Variants in TNRC6C observed in about 807,000 individuals in gnomAD.
TNRC6C encodes the protein trinucleotide repeat-containing gene 6C protein.
In TNRC6C, 20 loss-of-function variants were observed where a neutral mutation model predicts 153.7. The observed-to-expected ratio is 0.13, with a 90% CI of 0.09 to 0.19. The LOEUF (loss-of-function observed/expected upper bound fraction) is 0.19. Among genes scored for constraint, TNRC6C ranks in the 10% least tolerant of loss-of-function variants. The pLI is 1.00. For missense variants in TNRC6C, 1,987 were observed against 2,172.0 expected (o/e 0.91, Z 1.69); for synonymous variants, 811 against 841.4 (o/e 0.96, Z 0.63).
intron 13 of TNRC6C, among the ~76,000 whole-genome samples, chr17:78,087,752 C>G (rs1464551671): frequency 6.6e-6 from 1 of 152,114 alleles, no homozygotes; most frequent in African/African-American, 2.4e-5. Flanking sequence ...GTATAATCGA[C>G]CAAATCAACA....
rs955371094 is a variant in TNRC6C, at chr17:78,097,877, C to T, written c.4307-466C>T. The T allele has an allele frequency of 2.0e-6, 3 of 1,503,914 alleles. No homozygotes were observed. Among genetic ancestry groups the T allele is most frequent in the Non-Finnish European group, 8.9e-7 (1 of 1,119,986 alleles). 93.2% of individuals were successfully genotyped at this position (1,503,914 alleles called of 1,614,324 possible). A position where few individuals can be genotyped will look rare whatever the true frequency, so the allele number is the denominator to read the frequency against. On this transcript the variant is annotated intron_variant, in intron 16 of 19. Transcript: ENST00000301624. ...AGTGTTGCAGGTACGCGCCTGGCCT[C>T]TAGACTTGCAGGTAGCATTTTCTTT...
At chr17:78,006,551 T>TC (rs376467730) in intron 1 of TNRC6C, among the ~76,000 whole-genome samples, 4 of 94,992 alleles carry the variant, frequency 4.2e-5, no homozygotes, top group African/African-American at 1.9e-4. Flanking sequence ...TTCTTCTTCT[T>TC]CTTCTTCTTC....
chr17:78,027,962 C>T (rs2071976060), intron 1 of TNRC6C, among the ~76,000 whole-genome samples: 1 of 145,564 alleles, frequency 6.9e-6, no homozygotes, highest in African/African-American at 2.6e-5. Flanking sequence ...GTGGTGCGAT[C>T]TCCGCTCATT....
intron 15 of TNRC6C, chr17:78,093,363 G>A (rs2073426462): frequency 4.5e-6 from 3 of 664,854 alleles, no homozygotes; most frequent in Non-Finnish European, 7.6e-6. Flanking sequence ...GTGGCAGGGA[G>A]GAAGCACACT....
chr17:78,000,751 A>G (rs1169511066), upstream of TNRC6C, among the ~76,000 whole-genome samples: 1 of 151,816 alleles, frequency 6.6e-6, no homozygotes, highest in Admixed American at 6.6e-5. Context: ...AACATTTACA[A>G]TTTCTGATAA....
intron 1 of TNRC6C, among the ~76,000 whole-genome samples, chr17:77,977,807 T>C (rs2071021669): frequency 6.6e-6 from 1 of 151,984 alleles, no homozygotes; most frequent in African/African-American, 2.4e-5. Flanking sequence ...TTTAGATTTT[T>C]GTCACATAAG....
upstream of TNRC6C, among the ~76,000 whole-genome samples, chr17:78,001,062 C>T (rs1019399826): frequency 6.6e-6 from 1 of 152,182 alleles, no homozygotes; most frequent in Non-Finnish European, 1.5e-5. Context: ...TGTGGGAAAT[C>T]TTTTCACCCT....
At chr17:78,007,108 G>A (rs188075191) in intron 1 of TNRC6C, among the ~76,000 whole-genome samples, 155 of 152,220 alleles carry the variant, frequency 1.0e-3, no homozygotes, top group African/African-American at 3.6e-3. Flanking sequence ...GCCTGCCAAA[G>A]TGCTGGGATT....
intron 1 of TNRC6C, among the ~76,000 whole-genome samples, chr17:77,982,463 A>G (rs1031217596): frequency 2.3e-4 from 35 of 152,186 alleles, no homozygotes; most frequent in African/African-American, 8.2e-4. Flanking sequence ...GCTAATAGAG[A>G]AGGAGAAAGG....
upstream of TNRC6C, chr17:78,004,310 T>C: frequency 8.1e-7 from 1 of 1,231,694 alleles, no homozygotes; most frequent in Non-Finnish European, 1.0e-6. Flanking sequence ...TGTATCATTG[T>C]GTGTCTCATT....
chr17:78,036,572 A>G (rs1418227442), intron 2 of TNRC6C, among the ~76,000 whole-genome samples: 1 of 152,196 alleles, frequency 6.6e-6, no homozygotes, highest in African/African-American at 2.4e-5. Flanking sequence ...GTGTAAGAAT[A>G]GATAAAATGT....
intron 11 of TNRC6C, 57 bp from the exon 14 acceptor site, chr17:78,086,446 A>G: frequency 6.7e-7 from 1 of 1,501,676 alleles, no homozygotes; most frequent in South Asian, 1.2e-5. Flanking sequence ...AAGTTGAACC[A>G]TTAGTTCAAC....
At chr17:78,046,479 G>A (rs1166998586) in intron 2 of TNRC6C, among the ~76,000 whole-genome samples, 1 of 152,060 alleles carries the variant, frequency 6.6e-6, no homozygotes, top group African/African-American at 2.4e-5. Context: ...CGCCTGGCCG[G>A]GAATTCTTTA....
At chr17:77,985,634 T>C (rs2071155397) in intron 1 of TNRC6C, among the ~76,000 whole-genome samples, 1 of 149,394 alleles carries the variant, frequency 6.7e-6, no homozygotes, top group Non-Finnish European at 1.5e-5. Context: ...CTGTGTTGAA[T>C]CTGTCTCATA....
intron 3 of TNRC6C, among the ~76,000 whole-genome samples, chr17:78,055,056 G>A (rs571237078): frequency 5.4e-4 from 83 of 152,302 alleles, no homozygotes; most frequent in African/African-American, 1.8e-3. Context: ...AGAGTACTGC[G>A]CACCACTGTA....
At chr17:78,088,596 ATGTAAAGT>A (rs1490954870) in intron 13 of TNRC6C, among the ~76,000 whole-genome samples, 1 of 151,310 alleles carries the variant, frequency 6.6e-6, no homozygotes, top group African/African-American at 2.4e-5. Flanking sequence ...ATGAGCTAAT[ATGTAAAGT>A]TCTCTTTTTT....
intron 7 of TNRC6C, among the ~76,000 whole-genome samples, chr17:78,073,301 A>G (rs185612816): frequency 8.9e-4 from 136 of 152,352 alleles, no homozygotes; most frequent in South Asian, 2.3e-3. Flanking sequence ...CGCCAATGCC[A>G]TATTTGAAGC....
chr17:78,004,397 G>A (rs984091518), upstream of TNRC6C: 18 of 1,045,310 alleles, frequency 1.7e-5, no homozygotes, highest in East Asian at 9.8e-5. Context: ...TATAATTAGC[G>A]AATAATAGAT....
chr17:78,086,826 T>G (rs1454070138), intron 12 of TNRC6C, 27 bp from the exon 15 acceptor site: 1 of 1,607,428 alleles, frequency 6.2e-7, no homozygotes, highest in South Asian at 1.1e-5. Context: ...CCCACCTAGT[T>G]AACGCACCTA....
Sources: allele counts gnomAD v4.1 joint callset (sites outside exome capture counted in the v4.1 genomes callset), GRCh38; gene constraint gnomAD v4.1.1; transcripts MANE v1.5; gene names NCBI Gene and HGNC (gene_info 2026-07-23, HGNC 2026-07-21).